STOX2: variants seen among roughly 807,000 people sequenced by gnomAD.
The protein encoded by STOX2 is storkhead box 2.
In STOX2, 28 loss-of-function variants were observed where a neutral mutation model predicts 60.9. The observed-to-expected ratio is 0.46, with a 90% CI of 0.34 to 0.63. The LOEUF is 0.63. Among genes scored for constraint, STOX2 ranks in the 30% least tolerant of loss-of-function variants. The pLI, the probability that STOX2 is intolerant of heterozygous loss-of-function variation, is 0.01. For missense variants in STOX2, 1,024 were observed against 1,187.7 expected (o/e 0.86, Z 2.03); for synonymous variants, 472 against 463.9 (o/e 1.02, Z -0.22).
intron 1 of STOX2, among the ~76,000 whole-genome samples, chr4:183,850,020 G>A (rs1207611870): frequency 6.6e-6 from 1 of 151,598 alleles, no homozygotes; most frequent in Non-Finnish European, 1.5e-5. Flanking sequence ...CTGTAGTGCA[G>A]TGGCAAGATC....
intron 1 of STOX2, among the ~76,000 whole-genome samples, chr4:183,996,368 T>C (rs1427900662): frequency 7.2e-5 from 11 of 152,266 alleles, no homozygotes; most frequent in Non-Finnish European, 1.5e-5. Context: ...GAACTAATTC[T>C]GACGATGGAA....
At chr4:183,958,186 A>G (rs1210322038) in intron 1 of STOX2, among the ~76,000 whole-genome samples, 1 of 152,192 alleles carries the variant, frequency 6.6e-6, no homozygotes, top group Non-Finnish European at 1.5e-5. Flanking sequence ...GGGGAATGGT[A>G]GAATGGTATT....
At chr4:183,987,081 C>G (rs1028360034) in intron 1 of STOX2, among the ~76,000 whole-genome samples, 1 of 152,126 alleles carries the variant, frequency 6.6e-6, no homozygotes, top group Admixed American at 6.6e-5. Context: ...TTCGGTTATC[C>G]GGATCCTGAG....
chr4:183,966,839 C>G (rs912427134), intron 1 of STOX2, among the ~76,000 whole-genome samples: 1 of 152,096 alleles, frequency 6.6e-6, no homozygotes, highest in Non-Finnish European at 1.5e-5. Context: ...TTTTTCTTTT[C>G]CTTGATAGAA....
At chr4:183,928,633 G>A (rs940139875) in intron 1 of STOX2, among the ~76,000 whole-genome samples, 2 of 152,092 alleles carry the variant, frequency 1.3e-5, no homozygotes, top group African/African-American at 4.8e-5. Context: ...GTAACCCAGT[G>A]AGCCGGCCGA....
chr4:183,966,072 G>A (rs1743557921), intron 1 of STOX2, among the ~76,000 whole-genome samples: 1 of 151,184 alleles, frequency 6.6e-6, no homozygotes, highest in Non-Finnish European at 1.5e-5. Context: ...GGCAGGGAGG[G>A]AGGGAGAGGG....
chr4:183,913,025 G>A (rs1741825803), intron 1 of STOX2, among the ~76,000 whole-genome samples: 2 of 152,206 alleles, frequency 1.3e-5, no homozygotes, highest in South Asian at 2.1e-4. Flanking sequence ...GGTGGTTGAT[G>A]TGGTTGCTGC....
At chr4:183,992,021 A>G (rs1733129540) in intron 1 of STOX2, among the ~76,000 whole-genome samples, 1 of 152,190 alleles carries the variant, frequency 6.6e-6, no homozygotes, top group African/African-American at 2.4e-5. Context: ...AAGTTACTTA[A>G]TTGTACAGCG....
intron 1 of STOX2, among the ~76,000 whole-genome samples, chr4:183,942,842 G>A (rs1742789330): frequency 6.6e-6 from 1 of 152,120 alleles, no homozygotes; most frequent in Non-Finnish European, 1.5e-5. Context: ...TTACGGCTCT[G>A]AAATAAGAAG....
At chr4:183,798,345 C>CGCGGCTCGGCGG (rs1329926481) in intron 1 of STOX2, among the ~76,000 whole-genome samples, 50 of 150,796 alleles carry the variant, frequency 3.3e-4, no homozygotes, top group Non-Finnish European at 6.4e-4. Flanking sequence ...AGGTGGGCGC[C>CGCGGCTCGGCGG]GCGGCTCGGC....
chr4:183,903,548 C>G (rs972702381), upstream of STOX2, among the ~76,000 whole-genome samples: 1 of 152,182 alleles, frequency 6.6e-6, no homozygotes, highest in Non-Finnish European at 1.5e-5. Flanking sequence ...TGCCCAGCAC[C>G]CATCCCAGGG....
At chr4:183,924,351 A>AC (rs1379544610) in intron 1 of STOX2, among the ~76,000 whole-genome samples, 2 of 151,808 alleles carry the variant, frequency 1.3e-5, no homozygotes, top group African/African-American at 4.8e-5. Flanking sequence ...GGGGGGCTGG[A>AC]CCCCCACAGA....
chr4:184,018,271 C>T lies in STOX2; in HGVS notation c.*987C>T, dbSNP rs1044092312. The T allele has an allele frequency of 3.9e-5, 6 of 152,122 alleles. No individual in the cohort carries two copies. The highest frequency in any genetic ancestry group is 1.3e-4 in the Admixed American group (2 of 15,272). 9.4% of individuals were successfully genotyped at this position (152,122 alleles called of 1,614,324 possible). On this transcript the variant is annotated 3_prime_UTR_variant, in exon 4 of 4. Coordinates refer to ENST00000308497, the MANE Select transcript of STOX2 (RefSeq NM_020225.3). ...AAGAGTAGGGCCTGAGGATGTTATT[C>T]TTTCTAATGGAAGGACATAAATCTA...
At chr4:183,967,560 G>GGCCA (rs1246045359) in intron 1 of STOX2, among the ~76,000 whole-genome samples, 87 of 152,210 alleles carry the variant, frequency 5.7e-4, no homozygotes, top group Non-Finnish European at 1.1e-3. Flanking sequence ...GGCCACCCAT[G>GGCCA]GGTGGTGCTC....
chr4:183,869,345 G>A (rs1740639616), intron 1 of STOX2, among the ~76,000 whole-genome samples: 2 of 152,276 alleles, frequency 1.3e-5, no homozygotes, highest in South Asian at 2.1e-4. Context: ...CATATCTGTG[G>A]TGCATATCAA....
intron 1 of STOX2, among the ~76,000 whole-genome samples, chr4:183,953,675 C>G (rs1020131931): frequency 2.6e-5 from 4 of 151,488 alleles, no homozygotes; most frequent in African/African-American, 9.7e-5. Flanking sequence ...AAACAATTCT[C>G]CTGCCTCAGC....
Position 184,020,311 on chromosome 4 carries a change from G to T in STOX2, c.*3027G>T, listed in dbSNP as rs1392289923. Reference sequence around the variant, plus strand: ...TCCTGTCTTCTCCTCTCTTCCCCACGAAAGCGCACTCGATTTTGTTAGGAA... The same window carrying T: ...TCCTGTCTTCTCCTCTCTTCCCCACTAAAGCGCACTCGATTTTGTTAGGAA... On this transcript the variant is annotated 3_prime_UTR_variant, in exon 4 of 4. Coordinates refer to ENST00000308497, the MANE Select transcript of STOX2 (RefSeq NM_020225.3). 1 of 152,052 alleles carries T rather than the reference G, an allele frequency of 6.6e-6. No homozygotes were observed. The highest frequency in any genetic ancestry group is 1.5e-5 in the Non-Finnish European group (1 of 68,010). The allele number at this position is 152,052 out of a possible 1,614,324, so 9.4% of individuals were successfully genotyped here.
rs1275347584 is a variant in STOX2 at position 184,016,465 on chromosome 4, A to G, written c.2586-624A>G. The G allele has an allele frequency of 1.8e-4, 6 of 33,106 alleles. 1 individual carries two copies. Among genetic ancestry groups the G allele is most frequent in the Non-Finnish European group, 8.8e-4 (6 of 6,790 alleles). The allele number at this position is 33,106 out of a possible 1,614,324, so 2.1% of individuals were successfully genotyped here. A position where few individuals can be genotyped will look rare whatever the true frequency, so the allele number is the denominator to read the frequency against. ...AGTGGAAACTTAACAAATGAATGGGAAAAAAAAATCGAAGTTCCTTTATCG... is the reference window on the plus strand; with the variant it reads ...AGTGGAAACTTAACAAATGAATGGGGAAAAAAAATCGAAGTTCCTTTATCG... On this transcript the variant is annotated intron_variant, in intron 3 of 3. Coordinates refer to ENST00000308497, the MANE Select transcript of STOX2 (RefSeq NM_020225.3).
intron 1 of STOX2, among the ~76,000 whole-genome samples, chr4:183,813,497 C>T (rs1221563816): frequency 6.6e-6 from 1 of 152,192 alleles, no homozygotes; most frequent in Admixed American, 6.5e-5. Context: ...AGTAGGTTAT[C>T]TGTGAATACT....
Sources: gnomAD v4.1 joint callset for allele counts (sites outside exome capture counted in the v4.1 genomes callset) on GRCh38, gnomAD v4.1.1 for gene constraint, MANE v1.5 for transcripts, NCBI Gene and HGNC (gene_info 2026-07-23, HGNC 2026-07-21) for gene names.